The following FMNL2 variants were observed in gnomAD, a reference collection of about 807,000 sequenced individuals.
FMNL2 encodes the protein formin like 2, also known as formin-like protein 2.
A neutral mutation model predicts 130.2 loss-of-function variants in FMNL2; 51 were observed. The ratio of observed to expected loss-of-function variants is 0.39; its 90% confidence interval spans 0.31 to 0.49. The LOEUF is 0.49. Ranked by LOEUF, FMNL2 falls within the 20% of genes least tolerant of loss-of-function variation. The pLI is 0.85. For synonymous variants in FMNL2, 465 were observed against 467.1 expected (o/e 1.00, Z 0.06); for missense variants, 977 against 1,316.2 (o/e 0.74, Z 3.99).
chr2:152,602,670 G>A (rs562755528), intron 9 of FMNL2, among the ~76,000 whole-genome samples: 5 of 152,280 alleles, frequency 3.3e-5, no homozygotes, highest in South Asian at 2.1e-4. Context: ...TTTTTGCACC[G>A]TGTATTATCT....
intron 9 of FMNL2, among the ~76,000 whole-genome samples, chr2:152,599,002 G>A (rs1455976264): frequency 6.6e-6 from 1 of 152,194 alleles, no homozygotes; most frequent in Non-Finnish European, 1.5e-5. Context: ...AGAACCAAGA[G>A]CTCCATTGTC....
Position 152,619,498 on chromosome 2 carries a change from T to C in FMNL2, c.1628-11T>C. The C allele has an allele frequency of 1.3e-6, 2 of 1,549,982 alleles. No individual in the cohort carries two copies. The highest frequency in any genetic ancestry group is 1.7e-6 in the Non-Finnish European group (2 of 1,146,902). On this transcript the variant is annotated splice_polypyrimidine_tract_variant and intron_variant, in intron 14 of 25. Coordinates refer to ENST00000288670, the MANE Select transcript of FMNL2 (RefSeq NM_052905.4). ...TTTTCAAAGTCCATCTGTTTCTTTTTTCTTTGCTAGTGCAAAATGGTCCAG... is the reference window on the plus strand; with the variant it reads ...TTTTCAAAGTCCATCTGTTTCTTTTCTCTTTGCTAGTGCAAAATGGTCCAG...
chr2:152,488,258 G>C (rs1313447192), intron 1 of FMNL2, among the ~76,000 whole-genome samples: 2 of 152,238 alleles, frequency 1.3e-5, no homozygotes, highest in African/African-American at 2.4e-5. Context: ...GAGCTTGCCT[G>C]TGGGTGGTTG....
Position 152,629,536 on chromosome 2 carries a change from T to C in FMNL2, c.2401-120T>C, listed in dbSNP as rs1310888870. On this transcript the variant is annotated intron_variant, in intron 18 of 25. Transcript: ENST00000288670. ...ACTTAGAAAAAGTAGACTCTCACCA[T>C]GAAGCCTGTATGCTCTAAATGCAGG... 3 of 842,312 alleles carry C rather than the reference T, an allele frequency of 3.6e-6. No homozygotes were observed. In the African/African-American group the frequency reaches 5.2e-5, roughly 15 times the overall value. The allele number at this position is 842,312 out of a possible 1,614,324, so 52.2% of individuals were successfully genotyped here. A position where few individuals can be genotyped will look rare whatever the true frequency, so the allele number is the denominator to read the frequency against.
intron 17 of FMNL2, among the ~76,000 whole-genome samples, chr2:152,627,051 A>T (rs752959329): frequency 2.6e-5 from 4 of 152,264 alleles, no homozygotes; most frequent in Non-Finnish European, 4.4e-5. Flanking sequence ...GGCCTCCAGC[A>T]ATGCTTACAT....
chr2:152,479,001 G>C (rs1216554658), intron 1 of FMNL2, among the ~76,000 whole-genome samples: 1 of 152,120 alleles, frequency 6.6e-6, no homozygotes, highest in Non-Finnish European at 1.5e-5. Context: ...AACTTCTTGG[G>C]ATATAGGTGA....
intron 7 of FMNL2, among the ~76,000 whole-genome samples, chr2:152,578,193 T>A (rs1310345461): frequency 1.3e-5 from 2 of 152,116 alleles, no homozygotes; most frequent in South Asian, 4.1e-4. Flanking sequence ...CTTCTGGATG[T>A]TTTCTCTGAT....
At chr2:152,577,400 T>C (rs922075238) in intron 7 of FMNL2, among the ~76,000 whole-genome samples, 4 of 152,268 alleles carry the variant, frequency 2.6e-5, no homozygotes, top group South Asian at 2.1e-4. Context: ...CAAATGGTGA[T>C]CTTAGGTGCA....
intron 1 of FMNL2, among the ~76,000 whole-genome samples, chr2:152,485,864 A>ACTGCCAT (rs1433661147): frequency 6.6e-6 from 1 of 152,238 alleles, no homozygotes; most frequent in Non-Finnish European, 1.5e-5. Context: ...TAGTGATTTC[A>ACTGCCAT]CTGCCAAAAG....
chr2:152,431,267 A>G (rs535693592), intron 1 of FMNL2, among the ~76,000 whole-genome samples: 1 of 152,352 alleles, frequency 6.6e-6, no homozygotes, highest in South Asian at 2.1e-4. Flanking sequence ...TCATAGGCTT[A>G]TTATAAGGCT....
At chr2:152,598,642 AT>A (rs779433420) in intron 9 of FMNL2, among the ~76,000 whole-genome samples, 5 of 152,200 alleles carry the variant, frequency 3.3e-5, no homozygotes, top group African/African-American at 9.6e-5. Context: ...ATGAGCCAAG[AT>A]TGCGCCACTG....
chr2:152,644,753 C>T (rs1286178568), intron 25 of FMNL2, among the ~76,000 whole-genome samples: 1 of 152,150 alleles, frequency 6.6e-6, no homozygotes, highest in Non-Finnish European at 1.5e-5. Flanking sequence ...ATATCTTGAC[C>T]TGCTTCTTTG....
chr2:152,423,682 T>A (rs1335247408), intron 1 of FMNL2, among the ~76,000 whole-genome samples: 1 of 152,198 alleles, frequency 6.6e-6, no homozygotes. Flanking sequence ...TGCCTTGGTA[T>A]CATAGGGAGC....
chr2:152,647,326 C>G (rs577663306), intron 25 of FMNL2, among the ~76,000 whole-genome samples: 3 of 152,256 alleles, frequency 2.0e-5, no homozygotes, highest in Admixed American at 1.3e-4. Flanking sequence ...TAATAGAGCC[C>G]TTATCTGCAA....
chr2:152,558,884 G>T, intron 5 of FMNL2, 61 bp downstream of exon 5: 1 of 1,440,486 alleles, frequency 6.9e-7, no homozygotes, highest in South Asian at 1.2e-5. Context: ...ATGCTACTCA[G>T]TGGTAAAATT....
chr2:152,437,929 GGAGT>G (rs1687850102), intron 1 of FMNL2, among the ~76,000 whole-genome samples: 1 of 152,152 alleles, frequency 6.6e-6, no homozygotes, highest in Non-Finnish European at 1.5e-5. Flanking sequence ...TAGAATCTGT[GGAGT>G]GAGGAAAAAA....
intron 2 of FMNL2, among the ~76,000 whole-genome samples, chr2:152,523,002 G>C (rs974990239): frequency 6.6e-6 from 1 of 151,956 alleles, no homozygotes; most frequent in Admixed American, 6.6e-5. Flanking sequence ...GACACCCCCG[G>C]GCCCCAATGC....
rs371961698 is a variant in FMNL2, at chr2:152,631,371, C to G, written c.2551-637C>G. Reference sequence around the variant, plus strand: ...TTGTGCCACTGCACTCCACCCTGGGCGACAGAACGAGACTCCATCTCAAAA... The same window carrying G: ...TTGTGCCACTGCACTCCACCCTGGGGGACAGAACGAGACTCCATCTCAAAA... On this transcript the variant is annotated intron_variant, in intron 20 of 25. Transcript: ENST00000288670. Among the ~76,000 whole-genome samples the G allele has an allele frequency of 5.5e-4, 65 of 118,338 alleles. 1 individual carries two copies. The Middle Eastern group carries it at 0.037, about 67-fold the overall frequency. The allele number at this position is 118,338 out of a possible 152,430, so 77.6% of individuals were successfully genotyped here. A position where few individuals can be genotyped will look rare whatever the true frequency, so the allele number is the denominator to read the frequency against.
chr2:152,521,886 A>C, intron 1 of FMNL2, 57 bp from the exon 2 acceptor site: 1 of 1,414,022 alleles, frequency 7.1e-7, no homozygotes, highest in Middle Eastern at 1.8e-4. Context: ...CAAGTTACCA[A>C]TTTGGAAGCC....
Sources: gnomAD v4.1 joint callset for allele counts (sites outside exome capture counted in the v4.1 genomes callset) on GRCh38, gnomAD v4.1.1 for gene constraint, MANE v1.5 for transcripts, NCBI Gene and HGNC (gene_info 2026-07-23, HGNC 2026-07-21) for gene names.